Variants in TNFRSF21 observed in about 807,000 individuals in gnomAD.
TNFRSF21 encodes tumor necrosis factor receptor superfamily member 21.
Under a neutral mutation model 45.6 loss-of-function variants are expected in TNFRSF21, and 19 were observed. The ratio of observed to expected loss-of-function variants is 0.42; its 90% CI spans 0.29 to 0.61. The LOEUF (loss-of-function observed/expected upper bound fraction) is 0.61, where lower values mean the gene tolerates loss of function less well. TNFRSF21 is among the 20% of genes least tolerant of loss of function. The probability of loss-of-function intolerance (pLI) is 0.23; values close to 1 mark genes in which losing one functional copy is unlikely to be tolerated. For missense variants in TNFRSF21, 737 were observed against 851.5 expected (o/e 0.87, Z 1.67); for synonymous variants, 314 against 335.5 (o/e 0.94, Z 0.70).
rs1582369996 is a variant in TNFRSF21, at chr6:47,309,564, C to A, written c.-53G>T. ...CCGGGGCGCGCGGGGCAGCTGGAAT[C>A]GGCGGCTGCTTCTGCCCAGCGCCGC... On this transcript the variant is annotated 5_prime_UTR_variant, in exon 1 of 6. Transcript: ENST00000296861. 3 of 1,389,746 alleles carry A rather than the reference C, an allele frequency of 2.2e-6. No homozygotes were observed. The highest frequency in any genetic ancestry group is 3.1e-5 in the African/African-American group (2 of 65,386). The allele number at this position is 1,389,746 out of a possible 1,614,324, so 86.1% of individuals were successfully genotyped here.
At chr6:47,245,434 GTGTGTGTGTGTGTGTGTGTGTGTT>G (rs1358111569) in intron 4 of TNFRSF21, among the ~76,000 whole-genome samples, 1 of 137,254 alleles carries the variant, frequency 7.3e-6, no homozygotes, top group Non-Finnish European at 1.5e-5. Flanking sequence ...AGAAGTGTGT[GTGTGTGTGTGTGTGTGTGTGTGTT>G]TGTGTGTGTG....
At chr6:47,254,690 G>C (rs1764954181) in intron 3 of TNFRSF21, among the ~76,000 whole-genome samples, 1 of 152,178 alleles carries the variant, frequency 6.6e-6, no homozygotes, top group African/African-American at 2.4e-5. Flanking sequence ...CACCTAAGTT[G>C]TGCTCAAATT....
chr6:47,285,984 C>T lies in TNFRSF21; in HGVS notation c.708G>A (p.Met236Ile), dbSNP rs775796905. The change falls in exon 2 of 6, where the codon ATG becomes ATA. Residue 236 changes from methionine to isoleucine, a missense_variant. By Grantham distance (10) the Met-to-Ile change is conservative (BLOSUM62 1). Coordinates refer to ENST00000296861, the MANE Select transcript of TNFRSF21 (RefSeq NM_014452.5). ...GTAIFPRPEH[M>I]ETHEVPSSTY... is the part of the protein sequence containing the mutation. ...TGGAGGAAGGGACTTCATGGGTTTC[C>T]ATGTGCTCAGGGCGTGGAAAGATGG... 5.6e-6 allele frequency: 9 copies of T among 1,614,020 alleles called. No individual in the cohort carries two copies. The Admixed American group carries it at 6.7e-5, about 12-fold the overall frequency.
intron 1 of TNFRSF21, among the ~76,000 whole-genome samples, chr6:47,290,699 C>T (rs1351235762): frequency 6.6e-6 from 1 of 152,172 alleles, no homozygotes; most frequent in African/African-American, 2.4e-5. Flanking sequence ...TAAATTACCT[C>T]ATACAACAAG....
chr6:47,279,570 C>T (rs950328138), intron 3 of TNFRSF21, among the ~76,000 whole-genome samples: 1 of 152,182 alleles, frequency 6.6e-6, no homozygotes, highest in African/African-American at 2.4e-5. Context: ...CACGTAACCT[C>T]TCAATTAATG....
intron 1 of TNFRSF21, among the ~76,000 whole-genome samples, chr6:47,293,390 T>C (rs1762754160): frequency 6.6e-6 from 1 of 152,228 alleles, no homozygotes; most frequent in Non-Finnish European, 1.5e-5. Flanking sequence ...CAGCCCTTCA[T>C]GTAGGTATTG....
At chr6:47,274,970 A>T (rs1449193074) in intron 3 of TNFRSF21, among the ~76,000 whole-genome samples, 1 of 152,246 alleles carries the variant, frequency 6.6e-6, no homozygotes, top group East Asian at 1.9e-4. Flanking sequence ...AATGGCAATC[A>T]TTAAAAAGTC....
chr6:47,251,501 G>A (rs1215627960), intron 4 of TNFRSF21, among the ~76,000 whole-genome samples: 1 of 152,140 alleles, frequency 6.6e-6, no homozygotes, highest in Non-Finnish European at 1.5e-5. Flanking sequence ...ATTTTATTAT[G>A]AATCACTCTT....
In TNFRSF21 at chr6:47,273,999, T is replaced by A. The variant is rs116458126; in HGVS notation, c.1243+9939A>T. Among the ~76,000 whole-genome samples the A allele has an allele frequency of 3.6e-3, 547 of 152,298 alleles. 4 individuals are homozygous for A. The highest frequency in any genetic ancestry group is 0.012 in the African/African-American group (508 of 41,576). On this transcript the variant is annotated intron_variant, in intron 3 of 5. Coordinates refer to ENST00000296861, the MANE Select transcript of TNFRSF21 (RefSeq NM_014452.5). The stretch of plus-strand genomic sequence containing the variant: ...AACGAAATAAGAGGACACAAATAAC[T>A]GGAAGAATATTCCATGCTCATGGAT...
chr6:47,284,119 A>C lies in TNFRSF21; in HGVS notation c.1062T>G (p.Ile354Met), dbSNP rs929020678. The C allele has an allele frequency of 6.2e-6, 10 of 1,614,102 alleles. No homozygotes were observed. The highest frequency in any genetic ancestry group is 7.6e-6 in the Non-Finnish European group (9 of 1,180,036). ...CAAGCACCAGCAGCAGGAAAAGCAC[A>C]ATCATCCAGGGCAAATGCTCATTGA... ...FDINEHLPWM[I>M]VLFLLLVLVV... The change falls in exon 3 of 6, where the codon ATT becomes ATG. Residue 354 changes from isoleucine to methionine, a missense_variant. Transcript: ENST00000296861.
At chr6:47,236,064 T>C (rs1764662775) in intron 4 of TNFRSF21, among the ~76,000 whole-genome samples, 4 of 152,086 alleles carry the variant, frequency 2.6e-5, no homozygotes, top group African/African-American at 7.2e-5. Flanking sequence ...GGGGAAGTGA[T>C]AGGTGATGTG....
intron 4 of TNFRSF21, among the ~76,000 whole-genome samples, chr6:47,245,295 T>C (rs1019611088): frequency 6.6e-6 from 1 of 152,180 alleles, no homozygotes; most frequent in Non-Finnish European, 1.5e-5. Context: ...GATTCTGCTT[T>C]GTGTTTTGTT....
chr6:47,272,398 C>A (rs1034591458), intron 3 of TNFRSF21, among the ~76,000 whole-genome samples: 4 of 152,188 alleles, frequency 2.6e-5, no homozygotes, highest in Admixed American at 6.5e-5. Flanking sequence ...AACTGAATAA[C>A]CTGCCCCTGA....
intron 4 of TNFRSF21, among the ~76,000 whole-genome samples, chr6:47,241,408 C>T (rs1330727061): frequency 6.6e-6 from 1 of 152,082 alleles, no homozygotes; most frequent in Non-Finnish European, 1.5e-5. Flanking sequence ...TAAAATTATT[C>T]TTCTGAGTGT....
rs961691427 is a variant in TNFRSF21, at chr6:47,234,913, A to AT, written c.1510-16dup. 1.3e-4 allele frequency: 174 copies of AT among 1,299,118 alleles called. No individual in the cohort carries two copies. Among genetic ancestry groups the AT allele is most frequent in the East Asian group, 2.2e-4 (7 of 32,078 alleles). 80.5% of individuals were successfully genotyped at this position (1,299,118 alleles called of 1,614,324 possible). On this transcript the variant is annotated splice_polypyrimidine_tract_variant and intron_variant, in intron 4 of 5. Transcript: ENST00000296861. ...TCAGTTTCCAGCTGTAGGAGGGAAA[A>AT]TTTTTTTTTATTATATATAGAAAAA...
At chr6:47,255,459 GTT>G (rs569910724) in intron 3 of TNFRSF21, among the ~76,000 whole-genome samples, 1 of 146,294 alleles carries the variant, frequency 6.8e-6, no homozygotes, top group Non-Finnish European at 1.5e-5. Context: ...CATGTCTTTG[GTT>G]TTTTTTTTTG....
intron 3 of TNFRSF21, among the ~76,000 whole-genome samples, chr6:47,281,830 GA>G (rs1288791944): frequency 1.4e-5 from 2 of 142,344 alleles, no homozygotes; most frequent in Non-Finnish European, 3.1e-5. Flanking sequence ...CAAATAAAAA[GA>G]TTTTTTTTTT....
rs965618588 is a variant in TNFRSF21 at position 47,231,982 on chromosome 6, A to C, written c.*783T>G. ...CAAGTTCTTTGGTGGCCCAGTTGTC[A>C]AGCCACTTAAATAGCAAATCCTGAT... is the stretch of plus-strand genomic sequence containing the variant. On this transcript the variant is annotated 3_prime_UTR_variant, in exon 6 of 6. Coordinates refer to ENST00000296861, the MANE Select transcript of TNFRSF21 (RefSeq NM_014452.5). The C allele has an allele frequency of 6.6e-6, 1 of 152,642 alleles. No homozygotes were observed. The highest frequency in any genetic ancestry group is 1.5e-5 in the Non-Finnish European group (1 of 68,048). The allele number at this position is 152,642 out of a possible 1,614,324, so 9.5% of individuals were successfully genotyped here. A position where few individuals can be genotyped will look rare whatever the true frequency, so the allele number is the denominator to read the frequency against.
At chr6:47,262,992 T>C (rs1382403734) in intron 3 of TNFRSF21, among the ~76,000 whole-genome samples, 1 of 152,102 alleles carries the variant, frequency 6.6e-6, no homozygotes, top group Admixed American at 6.5e-5. Flanking sequence ...GGAGCACAGA[T>C]AAAAATGGAG....
Sources: allele counts gnomAD v4.1 joint callset (sites outside exome capture counted in the v4.1 genomes callset), GRCh38; gene constraint gnomAD v4.1.1; transcripts MANE v1.5; gene names NCBI Gene and HGNC (gene_info 2026-07-23, HGNC 2026-07-21).